Variants in TMEM240 observed in about 807,000 individuals in gnomAD.
TMEM240 encodes transmembrane protein C1orf70.
Under a neutral mutation model 19.5 loss-of-function variants are expected in TMEM240, and 3 were observed. The observed-to-expected ratio is 0.15, with a 90% CI of 0.07 to 0.40. The LOEUF (loss-of-function observed/expected upper bound fraction) is 0.40, where lower values mean the gene tolerates loss of function less well. TMEM240 is among the 10% of genes least tolerant of loss of function. The probability of loss-of-function intolerance (pLI) is 1.00; values close to 1 mark genes in which losing one functional copy is unlikely to be tolerated. For synonymous variants in TMEM240, 123 were observed against 109.3 expected (o/e 1.13, Z -0.78); for missense variants, 210 against 253.5 (o/e 0.83, Z 1.17).
rs1006743140 is a variant in TMEM240 at position 1,535,028 on chromosome 1, C to T, written c.*331G>A. Reference sequence around the variant, plus strand: ...TGCTGGCCCGGGCCGCGCGCCTCGCCGCCCCTGCCCCCACCTGCCCCCCAG... The same window carrying T: ...TGCTGGCCCGGGCCGCGCGCCTCGCTGCCCCTGCCCCCACCTGCCCCCCAG... On this transcript the variant is annotated 3_prime_UTR_variant, in exon 4 of 4. Transcript: ENST00000378733. This position sits in a 1 kb window ranked among gnomAD's most constrained non-coding sequence, Gnocchi z 8.2. 203 of 212,712 alleles carry T rather than the reference C, an allele frequency of 9.5e-4. No individual in the cohort carries two copies. Among genetic ancestry groups the T allele is most frequent in the Admixed American group, 2.2e-3 (37 of 16,702 alleles). 13.2% of individuals were successfully genotyped at this position (212,712 alleles called of 1,614,324 possible).
chr1:1,536,112 G>T lies in TMEM240; in HGVS notation c.165-315C>A, dbSNP rs1053781270. ...TCCTCCCTGAGGCCTGGAGCTCACGGGAAGGTGCTGCAGGTGGAAGAGGCC... is the reference window on the plus strand; with the variant it reads ...TCCTCCCTGAGGCCTGGAGCTCACGTGAAGGTGCTGCAGGTGGAAGAGGCC... On this transcript the variant is annotated intron_variant, in intron 2 of 3. Coordinates refer to ENST00000378733, the MANE Select transcript of TMEM240 (RefSeq NM_001114748.2). The surrounding 1 kb of genome is among the most constrained non-coding windows in gnomAD (Gnocchi z 5.4). 6.6e-6 allele frequency among the ~76,000 whole-genome samples: 1 copy of T among 152,102 alleles called. No homozygotes were observed. Among genetic ancestry groups the T allele is most frequent in the Admixed American group, 6.5e-5 (1 of 15,290 alleles).
chr1:1,537,778 C>T (rs1024735736), intron 2 of TMEM240, among the ~76,000 whole-genome samples: 2 of 152,204 alleles, frequency 1.3e-5, no homozygotes, highest in Admixed American at 6.5e-5. Context: ...GCCACACCCC[C>T]GCCCTGTGCA....
chr1:1,539,653 C>T, intron 2 of TMEM240, 31 bp downstream of exon 2: 1 of 1,526,624 alleles, frequency 6.6e-7, no homozygotes, highest in African/African-American at 1.4e-5. Flanking sequence ...TGCGCTCACG[C>T]GTGTCGAGCC....
In TMEM240 at chr1:1,536,821, C is replaced by T. The variant is rs9782908; in HGVS notation, c.165-1024G>A. Among the ~76,000 whole-genome samples the T allele has an allele frequency of 1.1e-3, 170 of 152,260 alleles. No homozygotes were observed. Among genetic ancestry groups the T allele is most frequent in the African/African-American group, 3.7e-3 (154 of 41,548 alleles). ...TCCTGGCTGCCTCCCACATCTCCGC[C>T]GAGCTCCAGCTGCCTGTGTCTCCAC... On this transcript the variant is annotated intron_variant, in intron 2 of 3. Coordinates refer to ENST00000378733, the MANE Select transcript of TMEM240 (RefSeq NM_001114748.2). The surrounding 1 kb of genome is among the most constrained non-coding windows in gnomAD (Gnocchi z 5.4).
chr1:1,540,248 G>A, intron 1 of TMEM240, 42 bp downstream of exon 1: 1 of 1,283,274 alleles, frequency 7.8e-7, no homozygotes, highest in Non-Finnish European at 9.9e-7. Context: ...GGCGCGCGCG[G>A]GCGGGGAGCA....
intron 2 of TMEM240, among the ~76,000 whole-genome samples, chr1:1,538,465 C>T (rs530850267): frequency 2.0e-5 from 3 of 152,368 alleles, no homozygotes; most frequent in South Asian, 4.1e-4. Context: ...ATGCACACGG[C>T]CCCAGCCCAC....
rs538547488 is a variant in TMEM240, at chr1:1,535,458, G to A, written c.423C>T (p.Gly141=). 6.5e-7 allele frequency: 1 copy of A among 1,549,168 alleles called. No homozygotes were observed. The highest frequency in any genetic ancestry group is 2.4e-5 in the East Asian group (1 of 40,846). The part of the protein sequence containing the change: ...LPKLCSLREL[G]RRPHRPFEEA... The stretch of plus-strand genomic sequence containing the variant: ...CCTCGAAGGGCCTGTGCGGCCGCCG[G>A]CCCAGCTCCCGCAGGCTGCACAGCT... Residue 141 remains glycine (G), a synonymous_variant, in exon 4 of 4, where the codon GGC becomes GGT. Coordinates refer to ENST00000378733, the MANE Select transcript of TMEM240 (RefSeq NM_001114748.2). The surrounding 1 kb of genome is among the most constrained non-coding windows in gnomAD (Gnocchi z 8.2).
chr1:1,539,456 C>G (rs1318304540), intron 2 of TMEM240: 1 of 568,140 alleles, frequency 1.8e-6, no homozygotes, highest in African/African-American at 1.9e-5. Flanking sequence ...GGCCCCGTGA[C>G]CCATTCCGCC....
Position 1,540,403 on chromosome 1 carries a change from C to T in TMEM240, c.-57G>A. On this transcript the variant is annotated 5_prime_UTR_variant, in exon 1 of 4. Coordinates refer to ENST00000378733, the MANE Select transcript of TMEM240 (RefSeq NM_001114748.2). ...CCCCCGGCCCCGGCGCCCCCCCGGC[C>T]CCGGCCCGATGCTGAGCCCCCGCCG... The T allele has an allele frequency of 1.2e-6, 1 of 820,798 alleles. No homozygotes were observed. The highest frequency in any genetic ancestry group is 1.5e-6 in the Non-Finnish European group (1 of 649,140). 50.8% of individuals were successfully genotyped at this position (820,798 alleles called of 1,614,324 possible). A position where few individuals can be genotyped will look rare whatever the true frequency, so the allele number is the denominator to read the frequency against.
chr1:1,537,863 G>T (rs1184967345), intron 2 of TMEM240, among the ~76,000 whole-genome samples: 2 of 152,240 alleles, frequency 1.3e-5, no homozygotes, highest in Admixed American at 6.5e-5. Flanking sequence ...GCCACGTCAC[G>T]TGCATGGACG....
intron 2 of TMEM240, chr1:1,538,979 G>A (rs1642261465): frequency 6.6e-6 from 1 of 152,438 alleles, no homozygotes; most frequent in South Asian, 2.1e-4. Context: ...GTGTCCTGAG[G>A]GGTGGAAGTG....
chr1:1,539,494 G>A, intron 2 of TMEM240, 190 bp downstream of exon 2: 1 of 596,672 alleles, frequency 1.7e-6, no homozygotes, highest in Non-Finnish European at 3.0e-6. Flanking sequence ...TAGGAACGGC[G>A]TCCTAAAGCC....
rs1385466025 is a variant in TMEM240 at position 1,534,797 on chromosome 1, TACTG to T, written c.*558_*561del. 1 of 154,762 alleles carries T rather than the reference TACTG, an allele frequency of 6.5e-6. No homozygotes were observed. Among genetic ancestry groups the T allele is most frequent in the African/African-American group, 2.4e-5 (1 of 41,412 alleles). 9.6% of individuals were successfully genotyped at this position (154,762 alleles called of 1,614,324 possible). ...GGAGGCTGGCGCTTTCTGGAGAATT[TACTG>T]ACCACAGAGGGGTGGGCTTCACATG... On this transcript the variant is annotated 3_prime_UTR_variant, in exon 4 of 4. Transcript: ENST00000378733.
chr1:1,539,879 C>G (rs949450097), intron 1 of TMEM240, 89 bp from the exon 2 acceptor site: 1 of 1,137,276 alleles, frequency 8.8e-7, no homozygotes, highest in Non-Finnish European at 1.2e-6. Context: ...GTCGGGGCAG[C>G]GCAAGCGGGG....
chr1:1,535,440 G>T lies in TMEM240; in HGVS notation c.441C>A (p.Pro147=), dbSNP rs1418504785. The T allele has an allele frequency of 2.6e-6, 4 of 1,549,220 alleles. No individual in the cohort carries two copies. The highest frequency in any genetic ancestry group is 3.5e-6 in the Non-Finnish European group (4 of 1,146,450). ...LRELGRRPHR[P]FEEAAGNMVH... ...CCATGTTCCCGGCGGCCTCCTCGAA[G>T]GGCCTGTGCGGCCGCCGGCCCAGCT... The change falls in exon 4 of 4, where the codon CCC becomes CCA. Residue 147 remains proline (P), a synonymous_variant. Transcript: ENST00000378733. The surrounding 1 kb of genome is among the most constrained non-coding windows in gnomAD (Gnocchi z 8.2).
chr1:1,539,974 G>A, intron 1 of TMEM240, among the ~76,000 whole-genome samples, 184 bp from the exon 2 acceptor site: 1 of 117,954 alleles, frequency 8.5e-6, no homozygotes, highest in South Asian at 3.3e-4. Context: ...CTGGGGAGGG[G>A]AGCGCAGGCC....
In TMEM240 at chr1:1,536,812, C is replaced by T. The variant is rs1034721419; in HGVS notation, c.165-1015G>A. ...GGTCCACACTCCTGGCTGCCTCCCA[C>T]ATCTCCGCCGAGCTCCAGCTGCCTG... On this transcript the variant is annotated intron_variant, in intron 2 of 3. Coordinates refer to ENST00000378733, the MANE Select transcript of TMEM240 (RefSeq NM_001114748.2). The surrounding 1 kb of genome is among the most constrained non-coding windows in gnomAD (Gnocchi z 5.4). Among the ~76,000 whole-genome samples the T allele has an allele frequency of 6.6e-6, 1 of 152,162 alleles. No individual in the cohort carries two copies. Among genetic ancestry groups the T allele is most frequent in the Non-Finnish European group, 1.5e-5 (1 of 68,010 alleles).
At position 1,540,508 on chromosome 1, in the gene TMEM240, CGGGGG is replaced by C. The variant is rs1228529247; in HGVS notation, c.-167_-163del. On this transcript the variant is annotated 5_prime_UTR_variant, in exon 1 of 4. Coordinates refer to ENST00000378733, the MANE Select transcript of TMEM240 (RefSeq NM_001114748.2). ...CGGCACCGGCCGGGGGGAGGAGGCG[CGGGGG>C]GGGGGGCGCCGGGGAGGGACGCGGG... 1 of 43,168 alleles carries C rather than the reference CGGGGG, an allele frequency of 2.3e-5. No homozygotes were observed. Among genetic ancestry groups the C allele is most frequent in the African/African-American group, 8.7e-5 (1 of 11,434 alleles). The allele number at this position is 43,168 out of a possible 1,614,324, so 2.7% of individuals were successfully genotyped here. A position where few individuals can be genotyped will look rare whatever the true frequency, so the allele number is the denominator to read the frequency against.
rs942647438 is a variant in TMEM240 at position 1,535,386 on chromosome 1, A to G, written c.495T>C (p.Asn165=). ...MVHVKQKLYH[N]GHPSPRHL ...ACAGGTGCCGCGGGCTGGGGTGGCC[A>G]TTGTGGTAGAGTTTCTGCTTCACGT... The change falls in exon 4 of 4, where the codon AAT becomes AAC. Residue 165 remains asparagine (N), a synonymous_variant. Coordinates refer to ENST00000378733, the MANE Select transcript of TMEM240 (RefSeq NM_001114748.2). This position sits in a 1 kb window ranked among gnomAD's most constrained non-coding sequence, Gnocchi z 8.2. 4.6e-5 allele frequency: 72 copies of G among 1,549,216 alleles called. No homozygotes were observed. Among genetic ancestry groups the G allele is most frequent in the Non-Finnish European group, 5.9e-5 (68 of 1,146,330 alleles).
Sources: gnomAD v4.1 joint callset for allele counts (sites outside exome capture counted in the v4.1 genomes callset) on GRCh38, gnomAD v4.1.1 for gene constraint, Gnocchi (gnomAD v3.1) non-coding constraint, MANE v1.5 for transcripts, NCBI Gene and HGNC (gene_info 2026-07-23, HGNC 2026-07-21) for gene names.